PLCD3: variants seen among roughly 807,000 people sequenced by gnomAD.
The protein encoded by PLCD3 is 1-phosphatidylinositol 4,5-bisphosphate phosphodiesterase delta-3.
PLCD3 carries 62 observed loss-of-function variants against 82.8 expected under a neutral mutation model. The ratio of observed to expected loss-of-function variants is 0.75; its 90% confidence interval spans 0.61 to 0.93. The LOEUF (loss-of-function observed/expected upper bound fraction) is 0.93, where lower values mean the gene tolerates loss of function less well. Ranked by LOEUF, PLCD3 falls within the 40% of genes least tolerant of loss-of-function variation. The probability of loss-of-function intolerance (pLI) is 0.00; values close to 1 mark genes in which losing one functional copy is unlikely to be tolerated. For synonymous variants in PLCD3, 478 were observed against 471.8 expected (o/e 1.01, Z -0.17); for missense variants, 1,023 against 1,103.4 (o/e 0.93, Z 1.03).
At chr17:45,120,266 G>A in intron 4 of PLCD3, 59 bp downstream of exon 4, 2 of 1,607,258 alleles carry the variant, frequency 1.2e-6, no homozygotes, top group Non-Finnish European at 1.7e-6. Flanking sequence ...ATGGCTGGGG[G>A]CAGGCAGAGG....
In PLCD3 at chr17:45,118,074, C is replaced by T. The variant is rs369992059; in HGVS notation, c.1180G>A (p.Val394Ile). ...DCWEGPGGEPVIYHGHTLTSK... is the reference protein window; with the variant it reads ...DCWEGPGGEPIIYHGHTLTSK... ...GTGAGGGTATGGCCATGATAGATGA[C>T]GGGCTCCCCTCCTGGCCCCTCCCAG... Residue 394 changes from valine (V) to isoleucine (I), a missense_variant, in exon 7 of 15, where the codon GTC becomes ATC. By Grantham distance (29) the Val-to-Ile change is conservative. Around this residue, in one of 3 missense-constraint regions of PLCD3, gnomAD observed 553 missense variants for 655.7 expected, o/e 0.84. Coordinates refer to ENST00000619929, the MANE Select transcript of PLCD3 (RefSeq NM_133373.5). This position sits in a 1 kb window ranked among gnomAD's most constrained non-coding sequence, Gnocchi z 4.1. 4.6e-5 allele frequency: 75 copies of T among 1,613,668 alleles called. 1 individual carries two copies. The highest frequency in any genetic ancestry group is 1.5e-4 in the South Asian group (14 of 91,040).
chr17:45,131,622 C>CA (rs1202442915), intron 1 of PLCD3, among the ~76,000 whole-genome samples: 1 of 152,234 alleles, frequency 6.6e-6, no homozygotes, highest in Non-Finnish European at 1.5e-5. Context: ...TGCAAGACAC[C>CA]ACCTGTGTAA....
chr17:45,115,897 G>A (rs930573883), intron 8 of PLCD3, among the ~76,000 whole-genome samples: 7 of 152,222 alleles, frequency 4.6e-5, no homozygotes, highest in Non-Finnish European at 8.8e-5. Context: ...ATTCTTGAAG[G>A]ACATGCAAGA....
At chr17:45,120,267 C>A (rs1391108751) in intron 4 of PLCD3, 58 bp downstream of exon 4, 2 of 1,607,408 alleles carry the variant, frequency 1.2e-6, no homozygotes, top group Non-Finnish European at 1.7e-6. Context: ...TGGCTGGGGG[C>A]AGGCAGAGGT....
intron 14 of PLCD3, 28 bp downstream of exon 14, chr17:45,112,835 C>G (rs767007349): frequency 6.2e-7 from 1 of 1,610,480 alleles, no homozygotes; most frequent in Non-Finnish European, 8.5e-7. Flanking sequence ...ACCCACATCC[C>G]TCTCCATCCC....
rs2054304344 is a variant in PLCD3, at chr17:45,118,028, T to A, written c.1226A>T (p.Asp409Val). 1 of 1,613,530 alleles carries A rather than the reference T, an allele frequency of 6.2e-7. No individual in the cohort carries two copies. The highest frequency in any genetic ancestry group is 1.1e-5 in the South Asian group (1 of 91,008). ...ATGGTCGCGCACGGCTTGGACCACG[T>A]CCCGGAAGAGAATCTTGGAGGTGAG... The part of the protein sequence containing the change: ...HTLTSKILFR[D>V]VVQAVRDHAF... The change falls in exon 7 of 15, where the codon GAC becomes GTC. Residue 409 changes from aspartate to valine, a missense_variant. This residue lies in a region of PLCD3 where 553 missense variants were observed against 655.7 expected (regional missense o/e 0.84). Coordinates refer to ENST00000619929, the MANE Select transcript of PLCD3 (RefSeq NM_133373.5). The surrounding 1 kb of genome is among the most constrained non-coding windows in gnomAD (Gnocchi z 4.1).
In PLCD3 at chr17:45,118,381, G is replaced by T; in HGVS notation, c.1025C>A (p.Pro342His). 6.2e-7 allele frequency: 1 copy of T among 1,614,010 alleles called. No individual in the cohort carries two copies. Among genetic ancestry groups the T allele is most frequent in the South Asian group, 1.1e-5 (1 of 91,086 alleles). ...GGAAGAGATGAAGTAGTGGGCAAGG[G>T]GCTGGTTCATGTCCTGGAACACACA... is the stretch of plus-strand genomic sequence containing the variant. ...HTCVFQDMNQ[P>H]LAHYFISSSH... Residue 342 changes from proline to histidine, a missense_variant, in exon 6 of 15, where the codon CCC becomes CAC. Physicochemically the swap from Pro to His is moderately conservative, Grantham distance 77. Coordinates refer to ENST00000619929, the MANE Select transcript of PLCD3 (RefSeq NM_133373.5). This position sits in a 1 kb window ranked among gnomAD's most constrained non-coding sequence, Gnocchi z 4.1.
rs564266692 is a variant in PLCD3, at chr17:45,113,043, G to C, written c.2132-31C>G. On this transcript the variant is annotated intron_variant, in intron 13 of 14. Transcript: ENST00000619929. The stretch of plus-strand genomic sequence containing the variant: ...GCACAGGGATGGCAGTCAGAGCCCA[G>C]GGGCCCCAGGACCCACCCTGCACCA... 7.5e-6 allele frequency: 12 copies of C among 1,601,718 alleles called. No individual in the cohort carries two copies. In the East Asian group the frequency reaches 2.7e-4, roughly 36 times the overall value.
At chr17:45,114,476 G>T (rs1296029782) in intron 10 of PLCD3, 110 bp from the exon 11 acceptor site, 4 of 779,322 alleles carry the variant, frequency 5.1e-6, no homozygotes, top group Non-Finnish European at 5.9e-6. Flanking sequence ...AGGTCACCCT[G>T]CCCCCGCTCC....
intron 1 of PLCD3, among the ~76,000 whole-genome samples, chr17:45,124,575 G>A (rs77506254): frequency 0.037 from 5,633 of 152,366 alleles, 334 homozygotes; most frequent in African/African-American, 0.13. Flanking sequence ...GAAGGGCAGG[G>A]CCAACAGAGG....
chr17:45,125,165 T>TAC (rs1567883512), intron 1 of PLCD3, among the ~76,000 whole-genome samples: 28 of 126,308 alleles, frequency 2.2e-4, no homozygotes, highest in South Asian at 1.1e-3. Flanking sequence ...TGTTTCTGTT[T>TAC]AAAATATAAA....
rs1178476087 is a variant in PLCD3 at position 45,120,902 on chromosome 17, T to C, written c.554A>G (p.His185Arg). Residue 185 changes from histidine to arginine, a missense_variant and splice_region_variant, in exon 3 of 15, where the codon CAC (histidine) becomes CGC (arginine). His to Arg is a conservative substitution (Grantham distance 29, BLOSUM62 0). Transcript: ENST00000619929. ...DAMSQRERLD[H>R]WIHSYLHRAD... is the part of the protein sequence containing the mutation. ...CTCCCTCCCAGCCCCGGCAGGATAT[T>C]GGTCTAGCCGCTCGCGCTGGCTCAT... 1.4e-6 allele frequency: 2 copies of C among 1,427,330 alleles called. No homozygotes were observed. The highest frequency in any genetic ancestry group is 2.9e-5 in the South Asian group (2 of 67,888). 88.4% of individuals were successfully genotyped at this position (1,427,330 alleles called of 1,614,324 possible).
rs1049908883 is a variant in PLCD3, at chr17:45,116,948, A to G, written c.1261-164T>C. ...GAGGCTGAGGGCGGCTGCAGGAATT[A>G]TTTTTTTTTTCTTTGAGATGGAGTG... On this transcript the variant is annotated intron_variant, in intron 7 of 14. Coordinates refer to ENST00000619929, the MANE Select transcript of PLCD3 (RefSeq NM_133373.5). Among the ~76,000 whole-genome samples, 41 of 150,210 alleles carry G rather than the reference A, an allele frequency of 2.7e-4. No homozygotes were observed. The Middle Eastern group carries it at 0.01, about 37-fold the overall frequency.
At chr17:45,121,436 C>A in intron 1 of PLCD3, 64 bp from the exon 2 acceptor site, 2 of 1,427,226 alleles carry the variant, frequency 1.4e-6, no homozygotes, top group South Asian at 1.5e-5. Flanking sequence ...CTGCCCTCCC[C>A]CGCTAGGACC....
Position 45,111,635 on chromosome 17 carries a change from G to C in PLCD3, c.*981C>G, listed in dbSNP as rs2054242745. ...GGGGGTGGCAGCATAGAGGTGCTCA[G>C]GGAGTGGCGGTGGTGAAATCAACGT... On this transcript the variant is annotated 3_prime_UTR_variant, in exon 15 of 15. Coordinates refer to ENST00000619929, the MANE Select transcript of PLCD3 (RefSeq NM_133373.5). 6.6e-6 allele frequency: 1 copy of C among 152,358 alleles called. No homozygotes were observed. The highest frequency in any genetic ancestry group is 2.4e-5 in the African/African-American group (1 of 41,570). The allele number at this position is 152,358 out of a possible 1,614,324, so 9.4% of individuals were successfully genotyped here. A position where few individuals can be genotyped will look rare whatever the true frequency, so the allele number is the denominator to read the frequency against.
chr17:45,114,228 C>T (rs1223891149), intron 11 of PLCD3, 22 bp downstream of exon 11: 2 of 1,509,896 alleles, frequency 1.3e-6, no homozygotes, highest in East Asian at 2.6e-5. Flanking sequence ...CGCCTGCTCT[C>T]ATTCCTGTGG....
chr17:45,116,061 G>T (rs542546424), intron 8 of PLCD3, among the ~76,000 whole-genome samples: 1 of 152,330 alleles, frequency 6.6e-6, no homozygotes, highest in East Asian at 1.9e-4. Context: ...ACACACACGA[G>T]GGTGAGTCAA....
At position 45,112,408 on chromosome 17, in the gene PLCD3, A is replaced by G. The variant is rs2054250078; in HGVS notation, c.*208T>C. On this transcript the variant is annotated 3_prime_UTR_variant, in exon 15 of 15. Coordinates refer to ENST00000619929, the MANE Select transcript of PLCD3 (RefSeq NM_133373.5). Reference sequence around the variant, plus strand: ...GGGCCCCAGGGTTGGAGCTCACTGAAGTCACATGAACACCTTTCTGTTCTT... The same window carrying G: ...GGGCCCCAGGGTTGGAGCTCACTGAGGTCACATGAACACCTTTCTGTTCTT... The G allele has an allele frequency of 3.3e-6, 2 of 599,120 alleles. No individual in the cohort carries two copies. The highest frequency in any genetic ancestry group is 5.9e-6 in the Non-Finnish European group (2 of 336,836). 37.1% of individuals were successfully genotyped at this position (599,120 alleles called of 1,614,324 possible).
chr17:45,122,013 A>G (rs2054345627), intron 1 of PLCD3, among the ~76,000 whole-genome samples: 2 of 151,848 alleles, frequency 1.3e-5, no homozygotes, highest in Non-Finnish European at 2.9e-5. Flanking sequence ...CATGGCTTCC[A>G]GCCTTCAAGT....
Sources: allele counts gnomAD v4.1 joint callset (sites outside exome capture counted in the v4.1 genomes callset), GRCh38; gene constraint gnomAD v4.1.1; regional missense constraint gnomAD v4.1.1; non-coding constraint Gnocchi (gnomAD v3.1); transcripts MANE v1.5; gene names NCBI Gene and HGNC (gene_info 2026-07-23, HGNC 2026-07-21).